The following PRR33 variants were observed in gnomAD, a reference collection of about 807,000 sequenced individuals.
The protein encoded by PRR33 is proline rich 33, also known as proline-rich protein 33.
PRR33 carries 1 observed loss-of-function variant against 0.5 expected under a neutral mutation model. The ratio of observed to expected loss-of-function variants is 2.18; its 90% CI spans 0.77 to 10.34. The LOEUF (loss-of-function observed/expected upper bound fraction) is 10.34. Ranked by LOEUF, PRR33 falls within the 30% of genes most tolerant of loss-of-function variation. The pLI is 0.13. For synonymous variants in PRR33, 226 were observed against 110.0 expected (o/e 2.06, Z -6.60); for missense variants, 552 against 251.8 (o/e 2.19, Z -8.07).
the PRR33 span, among the ~76,000 whole-genome samples, chr11:1,903,852 G>T: frequency 1.3e-5 from 2 of 152,280 alleles, no homozygotes; most frequent in Non-Finnish European, 2.9e-5. Flanking sequence ...ACATCCTTGT[G>T]AATGTCCAAA....
chr11:1,903,732 C>A, the PRR33 span, among the ~76,000 whole-genome samples: 1 of 152,170 alleles, frequency 6.6e-6, no homozygotes, highest in Non-Finnish European at 1.5e-5. Context: ...TGAAGGATCC[C>A]ATTTTACATT....
At chr11:1,900,774 C>T in the PRR33 span, among the ~76,000 whole-genome samples, 2,953 of 152,298 alleles carry the variant, frequency 0.019, 177 homozygotes, top group East Asian at 0.23. Context: ...ATGACGTATT[C>T]ACAAACAATA....
At chr11:1,892,548 C>G (rs1354006394), upstream of PRR33, among the ~76,000 whole-genome samples, 1 of 152,254 alleles carries the variant, frequency 6.6e-6, no homozygotes, top group African/African-American at 2.4e-5. Flanking sequence ...TGTGCCTTGA[C>G]TTCGCACCCA....
chr11:1,890,686 G>A, exon 1 of PRR33: 1 of 623,984 alleles, frequency 1.6e-6, no homozygotes, highest in Non-Finnish European at 2.9e-6. Flanking sequence ...CCTGGGGCCA[G>A]GGGTGTGGAG....
At chr11:1,890,140 T>C (rs1201085618) in exon 1 of PRR33, 2 of 717,028 alleles carry the variant, frequency 2.8e-6, no homozygotes, top group Non-Finnish European at 5.2e-6. Flanking sequence ...TGGGGCCCCA[T>C]GGCCCTGAAT....
At chr11:1,902,164 G>A in the PRR33 span, among the ~76,000 whole-genome samples, 3 of 151,794 alleles carry the variant, frequency 2.0e-5, no homozygotes, top group African/African-American at 2.4e-5. Context: ...CCCGGGAGGC[G>A]GAGCTTGCAG....
At chr11:1,915,065 T>C in the PRR33 span, among the ~76,000 whole-genome samples, 1 of 146,850 alleles carries the variant, frequency 6.8e-6, no homozygotes. Flanking sequence ...TGTGTATGTG[T>C]TATGGGGTCA....
At chr11:1,913,435 C>T in the PRR33 span, among the ~76,000 whole-genome samples, 6 of 151,948 alleles carry the variant, frequency 3.9e-5, no homozygotes, top group South Asian at 2.1e-4. Context: ...CGTGAGCCAC[C>T]GCGCCCGGCC....
At chr11:1,905,818 C>T in the PRR33 span, among the ~76,000 whole-genome samples, 1 of 151,634 alleles carries the variant, frequency 6.6e-6, no homozygotes, top group African/African-American at 2.4e-5. Flanking sequence ...ATCAGACAAC[C>T]TCTGCTTTCT....
chr11:1,894,205 C>A (rs375271971), upstream of PRR33, among the ~76,000 whole-genome samples: 2 of 145,868 alleles, frequency 1.4e-5, no homozygotes, highest in African/African-American at 5.0e-5. Context: ...CACTCTGTTT[C>A]CCAGGCTGGG....
the PRR33 span, among the ~76,000 whole-genome samples, chr11:1,904,249 C>T: frequency 6.6e-6 from 1 of 152,202 alleles, no homozygotes; most frequent in Admixed American, 6.5e-5. Context: ...GAAAACTTGG[C>T]CGGGCGCAGT....
chr11:1,907,542 G>T, the PRR33 span, among the ~76,000 whole-genome samples: 3 of 152,154 alleles, frequency 2.0e-5, no homozygotes, highest in African/African-American at 7.2e-5. Flanking sequence ...CTCCCCAGTA[G>T]TTGGGATTAC....
chr11:1,889,441 G>T, exon 1 of PRR33: 1 of 652,830 alleles, frequency 1.5e-6, no homozygotes, highest in Non-Finnish European at 2.8e-6. Context: ...GGCACCTCCT[G>T]CTCTGTGGGG....
At chr11:1,899,653 A>G in the PRR33 span, among the ~76,000 whole-genome samples, 1 of 152,192 alleles carries the variant, frequency 6.6e-6, no homozygotes, top group Non-Finnish European at 1.5e-5. Context: ...AAGGCAGCCC[A>G]GTTCATTCAT....
chr11:1,890,640 G>C lies in PRR33; in HGVS notation c.-56C>G. 7.4e-6 allele frequency: 5 copies of C among 671,592 alleles called. No individual in the cohort carries two copies. The South Asian group carries it at 7.8e-5, about 10-fold the overall frequency. 41.6% of individuals were successfully genotyped at this position (671,592 alleles called of 1,614,324 possible). A position where few individuals can be genotyped will look rare whatever the true frequency, so the allele number is the denominator to read the frequency against. On this transcript the variant is annotated 5_prime_UTR_variant, in exon 1 of 1. Coordinates refer to ENST00000640310, the Ensembl canonical transcript of PRR33. ...TCAGGCCAGCCCTCCTCCCTCCTGA[G>C]GTGGGAGGCCTGTGTCTCCTGTGGT...
At chr11:1,900,512 T>C in the PRR33 span, among the ~76,000 whole-genome samples, 1 of 152,238 alleles carries the variant, frequency 6.6e-6, no homozygotes, top group Non-Finnish European at 1.5e-5. Context: ...ATCAGGGTCC[T>C]TTCTCTCCTT....
the PRR33 span, among the ~76,000 whole-genome samples, chr11:1,907,053 G>A: frequency 4.6e-5 from 7 of 152,222 alleles, no homozygotes; most frequent in Non-Finnish European, 1.0e-4. Flanking sequence ...TTCCCAGCCC[G>A]GGAAGCACTG....
chr11:1,914,772 G>A, the PRR33 span, among the ~76,000 whole-genome samples: 1 of 147,814 alleles, frequency 6.8e-6, no homozygotes, highest in East Asian at 2.1e-4. Context: ...CTGTGTCTTT[G>A]TGTGTGTGGG....
At chr11:1,895,568 A>G (rs1324566934), upstream of PRR33, among the ~76,000 whole-genome samples, 1 of 152,130 alleles carries the variant, frequency 6.6e-6, no homozygotes, top group African/African-American at 2.4e-5. Flanking sequence ...CAGTTTGTCA[A>G]TTTGTTCTTT....
Sources: allele counts gnomAD v4.1 joint callset (sites outside exome capture counted in the v4.1 genomes callset), GRCh38; gene constraint gnomAD v4.1.1; transcripts MANE v1.5; gene names NCBI Gene and HGNC (gene_info 2026-07-23, HGNC 2026-07-21).